Variants in CHRM3 observed in about 807,000 individuals in gnomAD.
CHRM3 encodes the protein cholinergic receptor muscarinic 3.
A neutral mutation model predicts 41.8 loss-of-function variants in CHRM3; 11 were observed. That is an observed-to-expected ratio of 0.26 (90% CI 0.17 to 0.44). CHRM3 has a LOEUF of 0.44. Ranked by LOEUF, CHRM3 falls within the 20% of genes least tolerant of loss-of-function variation. The probability of loss-of-function intolerance (pLI) is 1.00; values close to 1 mark genes in which losing one functional copy is unlikely to be tolerated. For missense variants in CHRM3, 571 were observed against 745.4 expected (o/e 0.77, Z 2.72); for synonymous variants, 297 against 301.4 (o/e 0.99, Z 0.15).
rs6658736 is a variant in CHRM3 at position 239,881,270 on chromosome 1, G to A, written c.-19-26163G>A. On this transcript the variant is annotated intron_variant, in intron 6 of 6. Coordinates refer to ENST00000676153, the MANE Select transcript of CHRM3 (RefSeq NM_001375978.1). ...TGCACTCCAGCCTGGGCGACAGAGT[G>A]AGACTCCGTCTCAAAAAAAAAAAAA... 4.8e-3 allele frequency among the ~76,000 whole-genome samples: 407 copies of A among 83,944 alleles called. 5 individuals are homozygous for A. The highest frequency in any genetic ancestry group is 0.017 in the African/African-American group (386 of 22,716). 55.1% of individuals were successfully genotyped at this position (83,944 alleles called of 152,430 possible).
chr1:239,681,887 G>A (rs951453464), intron 5 of CHRM3, among the ~76,000 whole-genome samples: 1 of 151,804 alleles, frequency 6.6e-6, no homozygotes, highest in Non-Finnish European at 1.5e-5. Flanking sequence ...AGCAATAACT[G>A]GTCTCAAAAA....
chr1:239,795,326 T>C (rs2148886911), intron 5 of CHRM3, among the ~76,000 whole-genome samples: 1 of 152,312 alleles, frequency 6.6e-6, no homozygotes, highest in Admixed American at 6.5e-5. Context: ...TTAAAGTTTG[T>C]TTTTCTCAAG....
chr1:239,426,657 C>A (rs2103135262), intron 1 of CHRM3, among the ~76,000 whole-genome samples: 1 of 152,248 alleles, frequency 6.6e-6, no homozygotes, highest in Non-Finnish European at 1.5e-5. Context: ...TTTTGGGCTT[C>A]ATTCATTCAG....
intron 2 of CHRM3, among the ~76,000 whole-genome samples, chr1:239,525,130 A>G (rs1404630825): frequency 2.0e-5 from 3 of 152,140 alleles, no homozygotes; most frequent in Non-Finnish European, 2.9e-5. Flanking sequence ...TGAGAGGCCA[A>G]GGAGGGAGGA....
chr1:239,552,443 G>T (rs1033098191), intron 3 of CHRM3, among the ~76,000 whole-genome samples: 20 of 145,296 alleles, frequency 1.4e-4, no homozygotes, highest in Non-Finnish European at 2.4e-4. Flanking sequence ...ATGTATAGAT[G>T]ATATGTATCA....
At chr1:239,494,406 T>A (rs181064500) in intron 2 of CHRM3, among the ~76,000 whole-genome samples, 1 of 152,282 alleles carries the variant, frequency 6.6e-6, no homozygotes, top group Non-Finnish European at 1.5e-5. Context: ...AAATCCGTAC[T>A]ATGTGCACTT....
chr1:239,417,001 A>G (rs1232239688), intron 1 of CHRM3, among the ~76,000 whole-genome samples: 1 of 152,142 alleles, frequency 6.6e-6, no homozygotes, highest in Admixed American at 6.5e-5. Context: ...TTTGGGATCC[A>G]TTTGTAGGAT....
chr1:239,816,441 A>G (rs747027550), intron 5 of CHRM3, among the ~76,000 whole-genome samples: 6 of 152,066 alleles, frequency 3.9e-5, no homozygotes, highest in Non-Finnish European at 5.9e-5. Flanking sequence ...GAGCATCTAT[A>G]TGTAAGATCT....
chr1:239,507,346 A>C (rs1405982322), intron 2 of CHRM3, among the ~76,000 whole-genome samples: 1 of 152,144 alleles, frequency 6.6e-6, no homozygotes. Flanking sequence ...AACAAGTCTC[A>C]TGAGATCTGA....
chr1:239,681,230 T>C (rs959916389), intron 5 of CHRM3, among the ~76,000 whole-genome samples: 5 of 152,186 alleles, frequency 3.3e-5, no homozygotes, highest in African/African-American at 1.2e-4. Context: ...ACCATTGTTT[T>C]AGCCACTGAA....
At chr1:239,738,663 GC>G (rs1664593726) in intron 5 of CHRM3, among the ~76,000 whole-genome samples, 1 of 152,240 alleles carries the variant, frequency 6.6e-6, no homozygotes, top group African/African-American at 2.4e-5. Flanking sequence ...AGGGACAAAA[GC>G]CCAGTCTATA....
At chr1:239,816,610 C>T (rs1671609035) in intron 5 of CHRM3, among the ~76,000 whole-genome samples, 2 of 152,110 alleles carry the variant, frequency 1.3e-5, no homozygotes, top group African/African-American at 4.8e-5. Context: ...TGGATTTCTT[C>T]AGGAAGCCAC....
chr1:239,813,911 C>T (rs1405005971), intron 5 of CHRM3, among the ~76,000 whole-genome samples: 6 of 27,946 alleles, frequency 2.1e-4, no homozygotes, highest in East Asian at 1.1e-3. Context: ...AGCGAGACTC[C>T]GTCTCAAAAA....
intron 2 of CHRM3, among the ~76,000 whole-genome samples, chr1:239,503,324 T>A (rs1668362900): frequency 6.6e-6 from 1 of 151,542 alleles, no homozygotes; most frequent in Non-Finnish European, 1.5e-5. Context: ...CTGCAAAAAA[T>A]AAAATAAAAT....
chr1:239,899,704 C>T (rs1679357656), intron 6 of CHRM3: 1 of 151,900 alleles, frequency 6.6e-6, no homozygotes, highest in Non-Finnish European at 1.5e-5. Context: ...TATATATATA[C>T]TAAGTATATA....
At chr1:239,419,699 T>C (rs1026293002) in intron 1 of CHRM3, among the ~76,000 whole-genome samples, 3 of 152,220 alleles carry the variant, frequency 2.0e-5, no homozygotes, top group Non-Finnish European at 4.4e-5. Flanking sequence ...ATGGTAACAA[T>C]GCCCACAAGT....
chr1:239,915,356 G>C lies in CHRM3; in HGVS notation c.*6132G>C, dbSNP rs1445774738. 6.0e-6 allele frequency: 1 copy of C among 167,048 alleles called. No homozygotes were observed. The highest frequency in any genetic ancestry group is 1.5e-5 in the Non-Finnish European group (1 of 68,104). The allele number at this position is 167,048 out of a possible 1,614,324, so 10.3% of individuals were successfully genotyped here. ...TTAATCTTGAAAAAGTCAATCGTCT[G>C]TAGTCTGTACTATAAAATGATGCCT... is the stretch of plus-strand genomic sequence containing the variant. On this transcript the variant is annotated 3_prime_UTR_variant, in exon 7 of 7. Coordinates refer to ENST00000676153, the MANE Select transcript of CHRM3 (RefSeq NM_001375978.1).
At chr1:239,762,429 A>G (rs1448470224) in intron 5 of CHRM3, among the ~76,000 whole-genome samples, 3 of 152,240 alleles carry the variant, frequency 2.0e-5, no homozygotes, top group Non-Finnish European at 4.4e-5. Flanking sequence ...GTTGCATAGA[A>G]CAAAGTGTGT....
intron 5 of CHRM3, among the ~76,000 whole-genome samples, chr1:239,747,607 G>A (rs1665479483): frequency 6.6e-6 from 1 of 152,168 alleles, no homozygotes; most frequent in African/African-American, 2.4e-5. Context: ...AGCATGGAAA[G>A]CAATTTGAGA....
Sources: gnomAD v4.1 joint callset for allele counts (sites outside exome capture counted in the v4.1 genomes callset) on GRCh38, gnomAD v4.1.1 for gene constraint, MANE v1.5 for transcripts, NCBI Gene and HGNC (gene_info 2026-07-23, HGNC 2026-07-21) for gene names.